Variants in DMTF1 observed in about 807,000 individuals in gnomAD.
DMTF1 encodes the protein cyclin-D-binding Myb-like transcription factor 1.
A neutral mutation model predicts 91.1 loss-of-function variants in DMTF1; 39 were observed. The observed-to-expected ratio is 0.43, with a 90% confidence interval of 0.33 to 0.56. The LOEUF is 0.56. Among genes scored for constraint, DMTF1 ranks in the 20% least tolerant of loss-of-function variants. DMTF1 has a pLI of 0.05. For missense variants in DMTF1, 750 were observed against 914.5 expected (o/e 0.82, Z 2.32); for synonymous variants, 338 against 309.5 (o/e 1.09, Z -0.97).
At chr7:87,186,401 C>G (rs1798441130) in intron 12 of DMTF1, 1 of 157,154 alleles carries the variant, frequency 6.4e-6, no homozygotes. Context: ...ACTACAGGCA[C>G]ACACCACCAT....
chr7:87,165,410 A>T (rs1408793413), intron 3 of DMTF1, among the ~76,000 whole-genome samples: 2 of 152,194 alleles, frequency 1.3e-5, no homozygotes, highest in African/African-American at 2.4e-5. Flanking sequence ...TCATTTCAGT[A>T]TGACTTAATA....
At position 87,194,694 on chromosome 7, in the gene DMTF1, C is replaced by T; in HGVS notation, c.2039C>T (p.Ser680Phe). The T allele has an allele frequency of 1.2e-6, 2 of 1,605,720 alleles. No homozygotes were observed. Among genetic ancestry groups the T allele is most frequent in the Non-Finnish European group, 1.7e-6 (2 of 1,174,220 alleles). Residue 680 changes from serine (S) to phenylalanine (F), a missense_variant, in exon 17 of 18, where the codon TCT becomes TTT. Physicochemically the swap from Ser to Phe is radical, Grantham distance 155. Transcript: ENST00000331242. Reference protein sequence around the residue: ...ASAYVTEGLESPTIEEQVDQT... With the variant: ...ASAYVTEGLEFPTIEEQVDQT... ...TTTAATGTTATTTAGGGTTTAGAGT[C>T]TCCCACTATAGAAGAACAAGTTGAT...
At chr7:87,177,226 T>C (rs2129128721) in intron 7 of DMTF1, among the ~76,000 whole-genome samples, 1 of 152,284 alleles carries the variant, frequency 6.6e-6, no homozygotes, top group East Asian at 1.9e-4. Context: ...TCCTTACCCA[T>C]TTATTTAGGT....
intron 1 of DMTF1, among the ~76,000 whole-genome samples, chr7:87,157,806 A>G (rs1447208282): frequency 6.7e-6 from 1 of 150,360 alleles, no homozygotes; most frequent in East Asian, 1.9e-4. Flanking sequence ...AGACACAATA[A>G]CTCCATTATA....
At chr7:87,185,755 T>TA in intron 11 of DMTF1, 74 bp from the exon 12 acceptor site, 1 of 1,526,100 alleles carries the variant, frequency 6.6e-7, no homozygotes, top group Admixed American at 1.7e-5. Context: ...CCAGTGCAAT[T>TA]ACCTGTAGTC....
In DMTF1 at chr7:87,195,128, A is replaced by G. The variant is rs745880295; in HGVS notation, c.2271A>G (p.Val757=). Residue 757 remains valine, a synonymous_variant, in exon 18 of 18, where the codon GTA becomes GTG. Transcript: ENST00000331242. The part of the protein sequence containing the change: ...SEDSKDVEDL[V]NCH ...ATTCAAAGGATGTCGAAGATTTGGT[A>G]AACTGTCATTAGAATAATTCTTAGA... The G allele has an allele frequency of 5.6e-6, 9 of 1,608,098 alleles. No individual in the cohort carries two copies. In the East Asian group the frequency reaches 1.8e-4, roughly 32 times the overall value.
intron 12 of DMTF1, chr7:87,187,779 A>T (rs1395299406): frequency 9.2e-6 from 3 of 326,842 alleles, no homozygotes; most frequent in Non-Finnish European, 1.7e-5. Flanking sequence ...TTCCTAAATA[A>T]TAATCCTATC....
At chr7:87,164,835 C>A in intron 2 of DMTF1, 99 bp from the exon 3 acceptor site, 2 of 595,972 alleles carry the variant, frequency 3.4e-6, no homozygotes, top group East Asian at 3.2e-5. Context: ...TAGGCAGATA[C>A]CCAAATAAAT....
chr7:87,154,320 A>G (rs932658131), intron 1 of DMTF1: 4 of 152,472 alleles, frequency 2.6e-5, no homozygotes, highest in Non-Finnish European at 5.9e-5. Flanking sequence ...TTTTTATCTC[A>G]TTTTAACTCT....
At chr7:87,183,400 A>G (rs73206989) in intron 10 of DMTF1, among the ~76,000 whole-genome samples, 5,618 of 152,304 alleles carry the variant, frequency 0.037, 126 homozygotes, top group East Asian at 0.064. Flanking sequence ...CTGATTGCCA[A>G]CCTGAGGGAT....
intron 3 of DMTF1, among the ~76,000 whole-genome samples, chr7:87,166,281 C>T (rs1793808373): frequency 1.3e-5 from 2 of 152,172 alleles, no homozygotes; most frequent in Admixed American, 1.3e-4. Context: ...TAAGACACCG[C>T]CTTGAGGAGT....
chr7:87,155,472 A>C (rs997145130), intron 1 of DMTF1: 24 of 152,320 alleles, frequency 1.6e-4, no homozygotes, highest in Admixed American at 1.0e-3. Flanking sequence ...ATGTCTCCAA[A>C]TGATACAAGA....
chr7:87,174,850 T>A (rs546263307), intron 7 of DMTF1, among the ~76,000 whole-genome samples, 181 bp downstream of exon 7: 1 of 152,326 alleles, frequency 6.6e-6, no homozygotes, highest in African/African-American at 2.4e-5. Context: ...AATAATATTT[T>A]GAATTCTCAG....
At chr7:87,162,309 G>T (rs1792653666) in intron 1 of DMTF1, among the ~76,000 whole-genome samples, 1 of 152,082 alleles carries the variant, frequency 6.6e-6, no homozygotes, top group Non-Finnish European at 1.5e-5. Flanking sequence ...GAGGTTAAGT[G>T]ATCCTCCTCC....
intron 4 of DMTF1, 119 bp downstream of exon 4, chr7:87,166,724 C>A: frequency 1.1e-6 from 1 of 943,508 alleles, no homozygotes; most frequent in Non-Finnish European, 1.7e-6. Flanking sequence ...TTCATTTAGT[C>A]AAACCACCTC....
At position 87,179,527 on chromosome 7, in the gene DMTF1, G is replaced by A. The variant is rs751075195; in HGVS notation, c.520-18G>A. ...TTTTATCAGAAATCCCTAAATCAAA[G>A]AAATGTAACCCATTTAGGCACGCGG... On this transcript the variant is annotated intron_variant, in intron 7 of 17. Coordinates refer to ENST00000331242, the MANE Select transcript of DMTF1 (RefSeq NM_001142327.2). 1 of 1,484,904 alleles carries A rather than the reference G, an allele frequency of 6.7e-7. No individual in the cohort carries two copies. The highest frequency in any genetic ancestry group is 2.7e-5 in the Admixed American group (1 of 37,116). The allele number at this position is 1,484,904 out of a possible 1,614,324, so 92.0% of individuals were successfully genotyped here.
rs1235910354 is a variant in DMTF1, at chr7:87,184,995, TC to T, written c.1049+372del. 21 of 416,234 alleles carry T rather than the reference TC, an allele frequency of 5.0e-5. No individual in the cohort carries two copies. The East Asian group carries it at 1.5e-3, about 29-fold the overall frequency. The allele number at this position is 416,234 out of a possible 1,614,324, so 25.8% of individuals were successfully genotyped here. A position where few individuals can be genotyped will look rare whatever the true frequency, so the allele number is the denominator to read the frequency against. On this transcript the variant is annotated intron_variant, in intron 11 of 17. Coordinates refer to ENST00000331242, the MANE Select transcript of DMTF1 (RefSeq NM_001142327.2). The stretch of plus-strand genomic sequence containing the variant: ...TTTAGGATAAGAGGGCTGTTCAGTC[TC>T]CATGCCCTTCAATCCTTGGCTACTG...
At chr7:87,167,234 G>A (rs1452142981) in intron 4 of DMTF1, among the ~76,000 whole-genome samples, 1 of 152,098 alleles carries the variant, frequency 6.6e-6, no homozygotes, top group Admixed American at 6.5e-5. Context: ...TATTCTTACC[G>A]AGAAAGTTCT....
chr7:87,185,697 A>G, intron 11 of DMTF1, 132 bp from the exon 12 acceptor site: 1 of 1,014,232 alleles, frequency 9.9e-7, no homozygotes, highest in Non-Finnish European at 1.5e-6. Context: ...TTCCCGTGTA[A>G]CTTAACAATA....
Sources: allele counts gnomAD v4.1 joint callset (sites outside exome capture counted in the v4.1 genomes callset), GRCh38; gene constraint gnomAD v4.1.1; transcripts MANE v1.5; gene names NCBI Gene and HGNC (gene_info 2026-07-23, HGNC 2026-07-21).